The following EXOC4 variants were observed in gnomAD, a reference collection of about 807,000 sequenced individuals.
EXOC4 encodes the protein SEC8-like 1.
A neutral mutation model predicts 107.2 loss-of-function variants in EXOC4; 71 were observed. That is an observed-to-expected ratio of 0.66 (90% CI 0.55 to 0.81). The LOEUF (loss-of-function observed/expected upper bound fraction) is 0.81. EXOC4 is among the 30% of genes least tolerant of loss of function. The pLI, the probability that EXOC4 is intolerant of heterozygous loss-of-function variation, is 0.00. For synonymous variants in EXOC4, 456 were observed against 441.2 expected, an observed-to-expected ratio of 1.03 and a Z score of -0.42; for missense variants, 1,108 against 1,189.6, an observed-to-expected ratio of 0.93 and a Z score of 1.01.
At chr7:133,647,852 C>T (rs527260400) in intron 10 of EXOC4, among the ~76,000 whole-genome samples, 1 of 152,144 alleles carries the variant, frequency 6.6e-6, no homozygotes, top group South Asian at 2.1e-4. Context: ...AAACAGTTCT[C>T]CTGTTAGGTT....
chr7:133,429,425 TA>T (rs1452930449), intron 7 of EXOC4, among the ~76,000 whole-genome samples: 1 of 152,216 alleles, frequency 6.6e-6, no homozygotes, highest in African/African-American at 2.4e-5. Context: ...TTTAATTTTT[TA>T]AAATTAAAAG....
chr7:133,920,160 G>C (rs1274623321), intron 13 of EXOC4, among the ~76,000 whole-genome samples: 1 of 152,120 alleles, frequency 6.6e-6, no homozygotes, highest in Non-Finnish European at 1.5e-5. Context: ...CTTTTCATAT[G>C]CTATTTGCTG....
At chr7:133,855,329 GC>G (rs2116294387) in intron 11 of EXOC4, among the ~76,000 whole-genome samples, 1 of 151,108 alleles carries the variant, frequency 6.6e-6, no homozygotes, top group Admixed American at 6.6e-5. Context: ...TAGTTCCACA[GC>G]AGATTTCAAC....
intron 5 of EXOC4, among the ~76,000 whole-genome samples, chr7:133,343,066 A>G (rs554801050): frequency 6.6e-6 from 1 of 152,256 alleles, no homozygotes; most frequent in East Asian, 1.9e-4. Flanking sequence ...CTAGTGAGCT[A>G]CTGTGATCTT....
intron 14 of EXOC4, among the ~76,000 whole-genome samples, chr7:133,941,821 T>TTCTCTCTCCTCTCTC (rs1800435505): frequency 1.5e-5 from 2 of 129,544 alleles, no homozygotes; most frequent in Admixed American, 1.6e-4. Flanking sequence ...TGCTTACAGA[T>TTCTCTCTCCTCTCTC]TCTCTCTCTC....
At chr7:133,842,479 C>T (rs1343737476) in intron 11 of EXOC4, among the ~76,000 whole-genome samples, 1 of 152,116 alleles carries the variant, frequency 6.6e-6, no homozygotes, top group East Asian at 1.9e-4. Flanking sequence ...TGTCCTTTGC[C>T]CACTTCTTAA....
chr7:133,889,016 T>C lies in EXOC4; in HGVS notation c.1735-6583T>C, dbSNP rs1454554626. On this transcript the variant is annotated intron_variant, in intron 11 of 17. Coordinates refer to ENST00000253861, the MANE Select transcript of EXOC4 (RefSeq NM_021807.4). ...TGTGAGTCTCAAGTGAGATAACATA[T>C]GCTGTGTATGTGAAAACATTCTACA... is the stretch of plus-strand genomic sequence containing the variant. 2.6e-5 allele frequency among the ~76,000 whole-genome samples: 4 copies of C among 152,386 alleles called. No individual in the cohort carries two copies. In the South Asian group the frequency reaches 8.3e-4, roughly 32 times the overall value.
chr7:133,407,474 A>G (rs1472306274), intron 7 of EXOC4, among the ~76,000 whole-genome samples: 1 of 152,204 alleles, frequency 6.6e-6, no homozygotes, highest in Admixed American at 6.5e-5. Flanking sequence ...CAGCAGCAAA[A>G]GCAATTCAAG....
chr7:133,463,813 A>G (rs1402972702), intron 7 of EXOC4, among the ~76,000 whole-genome samples: 2 of 152,174 alleles, frequency 1.3e-5, no homozygotes, highest in African/African-American at 2.4e-5. Context: ...AAGAAGGAGA[A>G]GAATGATAAC....
rs67299937 is a variant in EXOC4 at position 133,485,093 on chromosome 7, AT to A, written c.1417+4956del. 7.8e-3 allele frequency among the ~76,000 whole-genome samples: 1,105 copies of A among 141,676 alleles called. 53 individuals carry two copies. The highest frequency in any genetic ancestry group is 0.012 in the South Asian group (57 of 4,580). 92.9% of individuals were successfully genotyped at this position (141,676 alleles called of 152,430 possible). A position where few individuals can be genotyped will look rare whatever the true frequency, so the allele number is the denominator to read the frequency against. ...AGACTCCGTCTCAAAAAATAAATAA[AT>A]AAATAAATAAATAAATAAATAAATA... On this transcript the variant is annotated intron_variant, in intron 9 of 17. Transcript: ENST00000253861.
chr7:133,804,796 A>T (rs1021921381), intron 10 of EXOC4, among the ~76,000 whole-genome samples: 1 of 152,170 alleles, frequency 6.6e-6, no homozygotes, highest in African/African-American at 2.4e-5. Flanking sequence ...AAAATTCCTC[A>T]TTGATATGTT....
chr7:133,615,909 G>A lies in EXOC4; in HGVS notation c.1418-14136G>A, dbSNP rs547033256. Among the ~76,000 whole-genome samples, 6 of 152,316 alleles carry A rather than the reference G, an allele frequency of 3.9e-5. No individual in the cohort carries two copies. In the South Asian group the frequency reaches 1.0e-3, roughly 26 times the overall value. On this transcript the variant is annotated intron_variant, in intron 9 of 17. Coordinates refer to ENST00000253861, the MANE Select transcript of EXOC4 (RefSeq NM_021807.4). Reference sequence around the variant, plus strand: ...AAAAGTGTTTTTCCAGGAAGAGATTGTAGCAGTAATTTTATGTGATGTGTT... The same window carrying A: ...AAAAGTGTTTTTCCAGGAAGAGATTATAGCAGTAATTTTATGTGATGTGTT...
chr7:133,849,923 T>A (rs549868968), intron 11 of EXOC4, among the ~76,000 whole-genome samples: 1 of 152,344 alleles, frequency 6.6e-6, no homozygotes, highest in East Asian at 1.9e-4. Context: ...GCTATAAACA[T>A]TCATCACTAA....
intron 3 of EXOC4, among the ~76,000 whole-genome samples, chr7:133,298,382 G>A (rs1794566425): frequency 6.6e-6 from 1 of 152,136 alleles, no homozygotes; most frequent in Non-Finnish European, 1.5e-5. Context: ...CTCTTAAAAA[G>A]AGAGTTGTTC....
intron 9 of EXOC4, among the ~76,000 whole-genome samples, chr7:133,601,337 A>G (rs1050069620): frequency 7.2e-5 from 11 of 151,970 alleles, no homozygotes; most frequent in Admixed American, 7.2e-4. Flanking sequence ...GGAGGCCTGT[A>G]TGTATGTATG....
At chr7:133,935,096 T>C (rs1381761733) in intron 13 of EXOC4, among the ~76,000 whole-genome samples, 1 of 152,012 alleles carries the variant, frequency 6.6e-6, no homozygotes, top group Non-Finnish European at 1.5e-5. Flanking sequence ...GGGACTGCAC[T>C]ATTGCTCCAT....
At chr7:134,092,330 T>C in the EXOC4 span, among the ~76,000 whole-genome samples, 1 of 152,114 alleles carries the variant, frequency 6.6e-6, no homozygotes, top group Admixed American at 6.5e-5. Flanking sequence ...AAAAAACTTA[T>C]GAGATGCACA....
intron 5 of EXOC4, among the ~76,000 whole-genome samples, chr7:133,325,406 G>T (rs1795214772): frequency 6.6e-6 from 1 of 152,160 alleles, no homozygotes; most frequent in South Asian, 2.1e-4. Flanking sequence ...GGCAGGCCTG[G>T]TGGTGACAGA....
intron 10 of EXOC4, among the ~76,000 whole-genome samples, chr7:133,631,659 A>G (rs1358330568): frequency 2.0e-5 from 3 of 152,096 alleles, no homozygotes; most frequent in African/African-American, 7.2e-5. Context: ...TTAAGAGGTT[A>G]AGAGAATTAA....
Sources: allele counts gnomAD v4.1 joint callset (sites outside exome capture counted in the v4.1 genomes callset), GRCh38; gene constraint gnomAD v4.1.1; transcripts MANE v1.5; gene names NCBI Gene and HGNC (gene_info 2026-07-23, HGNC 2026-07-21).